Variants in PDE1A observed in about 807,000 individuals in gnomAD.
The protein encoded by PDE1A is phosphodiesterase 1A.
PDE1A carries 35 observed loss-of-function variants against 61.7 expected under a neutral mutation model. The observed-to-expected ratio is 0.57, with a 90% CI of 0.43 to 0.75. The LOEUF (loss-of-function observed/expected upper bound fraction) is 0.75. Ranked by LOEUF, PDE1A falls within the 30% of genes least tolerant of loss-of-function variation. The probability of loss-of-function intolerance (pLI) is 0.00; values close to 1 mark genes in which losing one functional copy is unlikely to be tolerated. For synonymous variants in PDE1A, 232 were observed against 213.2 expected, an observed-to-expected ratio of 1.09 and a Z score of -0.77; for missense variants, 597 against 630.6, an observed-to-expected ratio of 0.95 and a Z score of 0.57.
At chr2:182,163,439 C>T (rs771077499), downstream of PDE1A, among the ~76,000 whole-genome samples, 92 of 152,260 alleles carry the variant, frequency 6.0e-4, no homozygotes, top group Non-Finnish European at 9.6e-4. Flanking sequence ...TCACCCTGTT[C>T]ACTTCATTGA....
chr2:182,560,513 G>A, the PDE1A span, among the ~76,000 whole-genome samples: 884 of 150,850 alleles, frequency 5.9e-3, 9 homozygotes, highest in African/African-American at 0.02. Flanking sequence ...GAATAGTGCC[G>A]CAATAAACAT....
At chr2:182,667,465 T>C in the PDE1A span, among the ~76,000 whole-genome samples, 2 of 152,320 alleles carry the variant, frequency 1.3e-5, no homozygotes, top group Admixed American at 6.5e-5. Flanking sequence ...GCCACTACAG[T>C]GCTCTTCAGA....
chr2:182,244,360 C>CCTT (rs1559244868), intron 2 of PDE1A, among the ~76,000 whole-genome samples: 1 of 101,066 alleles, frequency 9.9e-6, no homozygotes, highest in Non-Finnish European at 2.1e-5. Context: ...TTACCTTTTT[C>CCTT]TTTTTTTAAA....
intron 1 of PDE1A, among the ~76,000 whole-genome samples, chr2:182,321,521 A>G (rs1404474503): frequency 6.6e-6 from 1 of 152,168 alleles, no homozygotes; most frequent in Non-Finnish European, 1.5e-5. Flanking sequence ...AAAGAACAAA[A>G]TACAATCGGT....
intron 10 of PDE1A, 151 bp downstream of exon 10, chr2:182,201,288 A>T: frequency 1.2e-6 from 1 of 836,718 alleles, no homozygotes. Flanking sequence ...TTTCTGATAG[A>T]CTAATAAATT....
chr2:182,594,035 G>T, the PDE1A span, among the ~76,000 whole-genome samples: 1 of 152,064 alleles, frequency 6.6e-6, no homozygotes, highest in Non-Finnish European at 1.5e-5. Context: ...TTATAAAAGG[G>T]CCCTTAAGTC....
intron 8 of PDE1A, among the ~76,000 whole-genome samples, chr2:182,203,354 T>A (rs1021014384): frequency 6.6e-6 from 1 of 152,130 alleles, no homozygotes; most frequent in Non-Finnish European, 1.5e-5. Context: ...TATTGATGGT[T>A]CTTGCTGAAA....
At chr2:182,709,622 T>C in the PDE1A span, among the ~76,000 whole-genome samples, 1 of 152,220 alleles carries the variant, frequency 6.6e-6, no homozygotes, top group Non-Finnish European at 1.5e-5. Context: ...AAGCATGAAC[T>C]AGATCTTGAA....
In PDE1A at chr2:182,186,071, GT is replaced by G; in HGVS notation, c.1336del (p.Thr446ProfsTer11). 1 of 1,613,564 alleles carries G rather than the reference GT, an allele frequency of 6.2e-7. No homozygotes were observed. The highest frequency in any genetic ancestry group is 8.5e-7 in the Non-Finnish European group (1 of 1,179,600). ...ATCAGCAATGTGTAACCCCACAATG[GT>G]GGTTGAGCTAACAGTAACAACCAAA... On this transcript the variant is annotated frameshift_variant, in exon 13 of 14. Transcript: ENST00000351439. LOFTEE classifies it high-confidence loss of function.
intron 1 of PDE1A, among the ~76,000 whole-genome samples, chr2:182,404,296 A>C (rs568879271): frequency 6.6e-5 from 10 of 152,340 alleles, no homozygotes; most frequent in Admixed American, 4.6e-4. Flanking sequence ...CCATAGGCCA[A>C]CTTCTAAGAG....
At chr2:182,247,960 T>C (rs979890136) in intron 2 of PDE1A, among the ~76,000 whole-genome samples, 2 of 152,168 alleles carry the variant, frequency 1.3e-5, no homozygotes, top group African/African-American at 4.8e-5. Flanking sequence ...ACATTGTAAA[T>C]GCTTTTTAAA....
chr2:182,551,829 A>T, the PDE1A span, among the ~76,000 whole-genome samples: 1 of 152,182 alleles, frequency 6.6e-6, no homozygotes, highest in Non-Finnish European at 1.5e-5. Context: ...CCTGCTAAAA[A>T]ATCAAGGTAG....
chr2:182,294,607 T>C (rs1480281671), intron 1 of PDE1A, among the ~76,000 whole-genome samples: 1 of 152,184 alleles, frequency 6.6e-6, no homozygotes, highest in East Asian at 1.9e-4. Flanking sequence ...CCATATTTAA[T>C]ATCACATTAC....
intron 2 of PDE1A, among the ~76,000 whole-genome samples, chr2:182,453,041 T>C (rs1055614660): frequency 3.3e-5 from 5 of 152,130 alleles, no homozygotes; most frequent in Non-Finnish European, 5.9e-5. Context: ...TAAATGAAGA[T>C]AGATACTTTA....
chr2:182,685,994 G>A, the PDE1A span, among the ~76,000 whole-genome samples: 2 of 152,026 alleles, frequency 1.3e-5, no homozygotes, highest in Admixed American at 6.6e-5. Context: ...ACCACATAAC[G>A]AGCTTGATTT....
At chr2:182,438,468 T>C (rs1684584197) in intron 2 of PDE1A, among the ~76,000 whole-genome samples, 1 of 151,908 alleles carries the variant, frequency 6.6e-6, no homozygotes, top group Non-Finnish European at 1.5e-5. Flanking sequence ...TACAATTAAG[T>C]GCATTCATAA....
At chr2:182,174,825 G>T (rs942424016) in intron 13 of PDE1A, among the ~76,000 whole-genome samples, 12 of 151,766 alleles carry the variant, frequency 7.9e-5, no homozygotes, top group African/African-American at 2.9e-4. Flanking sequence ...CACACGTGTC[G>T]TGGGGGTTTG....
At chr2:182,632,294 C>T in the PDE1A span, among the ~76,000 whole-genome samples, 7 of 152,076 alleles carry the variant, frequency 4.6e-5, no homozygotes, top group African/African-American at 7.2e-5. Context: ...TGTATTTTAA[C>T]CACTTTTATC....
At chr2:182,281,397 A>G (rs931649006) in intron 1 of PDE1A, among the ~76,000 whole-genome samples, 1 of 151,992 alleles carries the variant, frequency 6.6e-6, no homozygotes, top group Non-Finnish European at 1.5e-5. Context: ...GCTTAAAACA[A>G]GCCTGTGGAG....
Sources: gnomAD v4.1 joint callset for allele counts (sites outside exome capture counted in the v4.1 genomes callset) on GRCh38, gnomAD v4.1.1 for gene constraint, MANE v1.5 for transcripts, NCBI Gene and HGNC (gene_info 2026-07-23, HGNC 2026-07-21) for gene names.